The following GRID2 variants were observed in gnomAD, a reference collection of about 807,000 sequenced individuals.
GRID2 encodes glutamate receptor ionotropic, delta-2.
Under a neutral mutation model 114.8 loss-of-function variants are expected in GRID2, and 33 were observed. That is an observed-to-expected ratio of 0.29 (90% confidence interval 0.22 to 0.38). GRID2 has a LOEUF of 0.38. GRID2 is among the 10% of genes least tolerant of loss of function. GRID2 has a pLI of 1.00. For missense variants in GRID2, 1,184 were observed against 1,257.7 expected, an observed-to-expected ratio of 0.94 and a Z score of 0.89; for synonymous variants, 505 against 449.9, an observed-to-expected ratio of 1.12 and a Z score of -1.55.
At chr4:92,966,708 A>T (rs543360892) in intron 2 of GRID2, among the ~76,000 whole-genome samples, 14 of 151,930 alleles carry the variant, frequency 9.2e-5, no homozygotes, top group African/African-American at 2.4e-4. Context: ...ACCTTTTGCC[A>T]TGATTGTGAG....
intron 2 of GRID2, among the ~76,000 whole-genome samples, chr4:92,602,461 T>C (rs949141403): frequency 1.3e-5 from 2 of 152,134 alleles, no homozygotes; most frequent in African/African-American, 4.8e-5. Flanking sequence ...ACCACATGAT[T>C]ATCTCAATAG....
chr4:93,549,215 G>A (rs879372588), intron 13 of GRID2, among the ~76,000 whole-genome samples: 4 of 152,008 alleles, frequency 2.6e-5, no homozygotes, highest in South Asian at 2.1e-4. Flanking sequence ...TTTTTATCAG[G>A]AAAAATGAAA....
Position 92,939,016 on chromosome 4 carries a change from A to G in GRID2, c.245-145979A>G, listed in dbSNP as rs1750888564. On this transcript the variant is annotated intron_variant, in intron 2 of 15. Transcript: ENST00000282020. ...TCTTTGCTATTGTGAATAGTGCCGC[A>G]ATAAACATACATGTGTGGGTGTCTT... is the stretch of plus-strand genomic sequence containing the variant. Among the ~76,000 whole-genome samples the G allele has an allele frequency of 1.4e-5, 2 of 147,114 alleles. 1 individual carries two copies. The highest frequency in any genetic ancestry group is 3.0e-5 in the Non-Finnish European group (2 of 66,502).
chr4:93,225,192 T>C (rs762752770), intron 7 of GRID2, among the ~76,000 whole-genome samples: 2 of 152,228 alleles, frequency 1.3e-5, no homozygotes, highest in Non-Finnish European at 2.9e-5. Flanking sequence ...TGGCCTTTAA[T>C]TTATCTCATG....
chr4:93,681,746 G>T (rs954899817), intron 14 of GRID2, among the ~76,000 whole-genome samples: 7 of 152,172 alleles, frequency 4.6e-5, no homozygotes, highest in African/African-American at 1.7e-4. Context: ...GCTGAAACTG[G>T]ATCCCTTCCT....
chr4:93,462,614 A>G (rs1178060171), intron 11 of GRID2, among the ~76,000 whole-genome samples: 2 of 152,200 alleles, frequency 1.3e-5, no homozygotes, highest in Non-Finnish European at 1.5e-5. Flanking sequence ...ATCCACAAAA[A>G]GAAGAGTCAG....
intron 2 of GRID2, among the ~76,000 whole-genome samples, chr4:92,931,371 T>C (rs1010958133): frequency 3.3e-5 from 5 of 151,004 alleles, no homozygotes; most frequent in Admixed American, 2.6e-4. Context: ...AGCTAGCTAA[T>C]TTATTGTTAC....
At chr4:92,849,460 A>T (rs1283962227) in intron 2 of GRID2, among the ~76,000 whole-genome samples, 1 of 151,886 alleles carries the variant, frequency 6.6e-6, no homozygotes, top group Non-Finnish European at 1.5e-5. Context: ...GCAGTTGTCA[A>T]AGGCAGGTAA....
intron 14 of GRID2, among the ~76,000 whole-genome samples, chr4:93,734,071 C>G (rs985580082): frequency 6.6e-6 from 1 of 151,972 alleles, no homozygotes; most frequent in Admixed American, 6.6e-5. Context: ...CTTCTTTCTG[C>G]TGGTAAACTG....
At chr4:92,328,970 T>C (rs1282834725) in intron 1 of GRID2, among the ~76,000 whole-genome samples, 5 of 152,074 alleles carry the variant, frequency 3.3e-5, no homozygotes, top group South Asian at 2.1e-4. Context: ...GAATAAATTA[T>C]TATTTCACAT....
chr4:93,023,706 C>T (rs1276884902), intron 2 of GRID2, among the ~76,000 whole-genome samples: 3 of 151,810 alleles, frequency 2.0e-5, no homozygotes, highest in African/African-American at 7.2e-5. Flanking sequence ...ACTGAAGCTA[C>T]TTTTACTTTT....
At chr4:93,779,139 G>A (rs28594639), downstream of GRID2, among the ~76,000 whole-genome samples, 9,480 of 151,262 alleles carry the variant, frequency 0.063, 314 homozygotes, top group Admixed American at 0.075. Context: ...TTTTAATTAG[G>A]TCTCTCTCAG....
chr4:92,959,619 T>C (rs1304226957), intron 2 of GRID2, among the ~76,000 whole-genome samples: 1 of 152,068 alleles, frequency 6.6e-6, no homozygotes, highest in Non-Finnish European at 1.5e-5. Flanking sequence ...TGCCCATCAA[T>C]TATAGACTGG....
At chr4:93,784,643 T>TACACAC (rs1405324186) in intron 1 of GRID2, among the ~76,000 whole-genome samples, 12 of 59,802 alleles carry the variant, frequency 2.0e-4, no homozygotes, top group African/African-American at 8.9e-4. Context: ...GAGTCCTTTT[T>TACACAC]ATACACACAC....
chr4:93,000,572 T>G (rs1338846540), intron 2 of GRID2, among the ~76,000 whole-genome samples: 1 of 151,668 alleles, frequency 6.6e-6, no homozygotes, highest in Non-Finnish European at 1.5e-5. Context: ...ATTAAAATGT[T>G]ATTTTGTTAA....
chr4:92,853,822 A>G lies in GRID2; in HGVS notation c.245-231173A>G, dbSNP rs375482541. On this transcript the variant is annotated intron_variant, in intron 2 of 15. Transcript: ENST00000282020. ...ACATGTACACAAACATGACAACAAC[A>G]GACAATGTGGACTTCTAGAGGTTGG... 3.9e-5 allele frequency among the ~76,000 whole-genome samples: 6 copies of G among 152,050 alleles called. No individual in the cohort carries two copies. The East Asian group carries it at 9.7e-4, about 25-fold the overall frequency.
chr4:93,340,021 T>C (rs1172268398), intron 8 of GRID2, among the ~76,000 whole-genome samples: 3 of 152,156 alleles, frequency 2.0e-5, no homozygotes, highest in Admixed American at 6.6e-5. Flanking sequence ...ATGGGGATTA[T>C]AATTCTGATG....
At chr4:92,445,943 A>G (rs970447747) in intron 1 of GRID2, among the ~76,000 whole-genome samples, 1 of 151,812 alleles carries the variant, frequency 6.6e-6, no homozygotes, top group African/African-American at 2.4e-5. Flanking sequence ...CTTATCTCAT[A>G]TTTTTTGTTT....
intron 4 of GRID2, among the ~76,000 whole-genome samples, chr4:93,157,433 A>G (rs1393433618): frequency 6.6e-6 from 1 of 151,762 alleles, no homozygotes; most frequent in African/African-American, 2.4e-5. Flanking sequence ...ATTCAACACT[A>G]TATTGTGTAG....
Sources: gnomAD v4.1 joint callset for allele counts (sites outside exome capture counted in the v4.1 genomes callset) on GRCh38, gnomAD v4.1.1 for gene constraint, MANE v1.5 for transcripts, NCBI Gene and HGNC (gene_info 2026-07-23, HGNC 2026-07-21) for gene names.